The following ST6GALNAC3 variants were observed in gnomAD, a reference collection of about 807,000 sequenced individuals.
ST6GALNAC3 encodes the protein ST6 N-acetylgalactosaminide alpha-2,6-sialyltransferase 3.
Under a neutral mutation model 32.7 loss-of-function variants are expected in ST6GALNAC3, and 25 were observed. The observed-to-expected ratio is 0.76, with a 90% CI of 0.56 to 1.07. The LOEUF is 1.07. ST6GALNAC3 is among the 50% of genes least tolerant of loss of function. The pLI, the probability that ST6GALNAC3 is intolerant of heterozygous loss-of-function variation, is 0.00. For missense variants in ST6GALNAC3, 355 were observed against 382.4 expected, an observed-to-expected ratio of 0.93 and a Z score of 0.60; for synonymous variants, 129 against 133.1, an observed-to-expected ratio of 0.97 and a Z score of 0.21.
chr1:76,433,396 G>A (rs1404552636), intron 3 of ST6GALNAC3, among the ~76,000 whole-genome samples: 4 of 152,062 alleles, frequency 2.6e-5, no homozygotes, highest in Non-Finnish European at 5.9e-5. Flanking sequence ...AGTCCAAAAG[G>A]ATAGTTAACA....
chr1:76,223,722 G>T (rs919934614), intron 1 of ST6GALNAC3, among the ~76,000 whole-genome samples: 1 of 152,052 alleles, frequency 6.6e-6, no homozygotes, highest in Non-Finnish European at 1.5e-5. Flanking sequence ...TATTGCAAGG[G>T]CTTTCTGTCT....
intron 1 of ST6GALNAC3, among the ~76,000 whole-genome samples, chr1:76,156,740 C>A (rs941127687): frequency 1.3e-5 from 2 of 152,156 alleles, no homozygotes; most frequent in African/African-American, 2.4e-5. Context: ...AAAGCCCTGG[C>A]CTTTTTTTTG....
intron 2 of ST6GALNAC3, among the ~76,000 whole-genome samples, chr1:76,360,525 C>G (rs1649845903): frequency 6.6e-6 from 1 of 152,036 alleles, no homozygotes; most frequent in East Asian, 1.9e-4. Context: ...TATTTTCTAC[C>G]CCAACTATGT....
chr1:76,409,090 G>A (rs973036199), intron 2 of ST6GALNAC3, among the ~76,000 whole-genome samples: 2 of 152,110 alleles, frequency 1.3e-5, no homozygotes, highest in African/African-American at 2.4e-5. Flanking sequence ...AAATCAATGC[G>A]TGACCCCAAA....
At chr1:76,148,191 G>T (rs1650810661) in intron 1 of ST6GALNAC3, among the ~76,000 whole-genome samples, 1 of 152,148 alleles carries the variant, frequency 6.6e-6, no homozygotes, top group Non-Finnish European at 1.5e-5. Context: ...TGTTTCCTCA[G>T]TTGAGCCCTT....
At chr1:76,161,096 G>C (rs638593) in intron 1 of ST6GALNAC3, among the ~76,000 whole-genome samples, 21,265 of 152,166 alleles carry the variant, frequency 0.14, 1,738 homozygotes, top group Non-Finnish European at 0.19. Flanking sequence ...GTGACCTCTT[G>C]CTACTCTCCA....
Position 76,509,677 on chromosome 1 carries a change from C to T in ST6GALNAC3, c.623+97260C>T, listed in dbSNP as rs1436243308. 6.6e-6 allele frequency among the ~76,000 whole-genome samples: 1 copy of T among 152,170 alleles called. No individual in the cohort carries two copies. Among genetic ancestry groups the T allele is most frequent in the African/African-American group, 2.4e-5 (1 of 41,460 alleles). On this transcript the variant is annotated intron_variant, in intron 3 of 4. Transcript: ENST00000328299. This position sits in a 1 kb window ranked among gnomAD's most constrained non-coding sequence, Gnocchi z 5.5. ...TAAAATGGGTTGTTAGGGCTGCATT[C>T]CTTCTGGAAGATCCAAGGGAGAATC...
intron 3 of ST6GALNAC3, among the ~76,000 whole-genome samples, chr1:76,446,032 T>A (rs1656944867): frequency 6.6e-6 from 1 of 152,250 alleles, no homozygotes; most frequent in Non-Finnish European, 1.5e-5. Flanking sequence ...AATATAGCTT[T>A]ATCAAATTTT....
chr1:76,373,128 G>A (rs1164117906), intron 2 of ST6GALNAC3, among the ~76,000 whole-genome samples: 1 of 152,010 alleles, frequency 6.6e-6, no homozygotes, highest in Admixed American at 6.6e-5. Flanking sequence ...ATGGTAACAG[G>A]AATGACACCA....
At chr1:76,303,194 T>C (rs1660830512) in intron 1 of ST6GALNAC3, among the ~76,000 whole-genome samples, 2 of 152,028 alleles carry the variant, frequency 1.3e-5, no homozygotes, top group Non-Finnish European at 2.9e-5. Context: ...ATCAGTCTGA[T>C]TGGTTGCAGA....
intron 3 of ST6GALNAC3, among the ~76,000 whole-genome samples, chr1:76,427,361 G>A (rs1043890352): frequency 6.6e-6 from 1 of 151,966 alleles, no homozygotes; most frequent in Non-Finnish European, 1.5e-5. Flanking sequence ...CTTCTGGAGG[G>A]TTCTGCTAGA....
chr1:76,074,948 G>C, intron 1 of ST6GALNAC3, 64 bp downstream of exon 1: 2 of 1,558,558 alleles, frequency 1.3e-6, no homozygotes, highest in Non-Finnish European at 1.7e-6. Flanking sequence ...CAGAGGCACG[G>C]AGTCAGCCGC....
At chr1:76,172,801 G>A (rs967468933) in intron 1 of ST6GALNAC3, among the ~76,000 whole-genome samples, 1 of 152,140 alleles carries the variant, frequency 6.6e-6, no homozygotes, top group African/African-American at 2.4e-5. Flanking sequence ...CCTCTTCAAG[G>A]AGAACTACAA....
At chr1:76,326,829 T>C (rs1647081146) in intron 2 of ST6GALNAC3, among the ~76,000 whole-genome samples, 1 of 148,584 alleles carries the variant, frequency 6.7e-6, no homozygotes, top group East Asian at 2.0e-4. Context: ...GTTTTGGGTT[T>C]TTTTTTTTTT....
chr1:76,231,847 A>C (rs959981275), intron 1 of ST6GALNAC3, among the ~76,000 whole-genome samples: 4 of 152,184 alleles, frequency 2.6e-5, no homozygotes, highest in Non-Finnish European at 5.9e-5. Flanking sequence ...ATTCTTGTGG[A>C]TATTCCCAGA....
At chr1:76,573,619 T>C (rs185296667) in intron 3 of ST6GALNAC3, among the ~76,000 whole-genome samples, 2 of 151,788 alleles carry the variant, frequency 1.3e-5, no homozygotes, top group African/African-American at 4.8e-5. Flanking sequence ...TTCATCCAAT[T>C]TGAATGAACA....
rs147257157 is a variant in ST6GALNAC3 at position 76,244,871 on chromosome 1, C to T, written c.19-68934C>T. 1.3e-5 allele frequency among the ~76,000 whole-genome samples: 2 copies of T among 152,122 alleles called. 1 individual carries two copies. The highest frequency in any genetic ancestry group is 2.9e-5 in the Non-Finnish European group (2 of 67,982). The stretch of plus-strand genomic sequence containing the variant: ...AGTATTTTACTGAGGATTTTCACAT[C>T]GATGTTATTCAGGCATATTGGCCTG... On this transcript the variant is annotated intron_variant, in intron 1 of 4. Coordinates refer to ENST00000328299, the MANE Select transcript of ST6GALNAC3 (RefSeq NM_152996.4).
At chr1:76,397,167 T>C (rs1445165956) in intron 2 of ST6GALNAC3, among the ~76,000 whole-genome samples, 2 of 152,006 alleles carry the variant, frequency 1.3e-5, no homozygotes, top group Admixed American at 6.6e-5. Flanking sequence ...AATATAAATA[T>C]TATATTTAAA....
chr1:76,231,994 G>A (rs889806063), intron 1 of ST6GALNAC3, among the ~76,000 whole-genome samples: 19 of 152,090 alleles, frequency 1.2e-4, no homozygotes, highest in African/African-American at 3.6e-4. Context: ...ACAAGGCTTC[G>A]AGGTAGTTTC....
Sources: allele counts gnomAD v4.1 joint callset (sites outside exome capture counted in the v4.1 genomes callset), GRCh38; gene constraint gnomAD v4.1.1; non-coding constraint Gnocchi (gnomAD v3.1); transcripts MANE v1.5; gene names NCBI Gene and HGNC (gene_info 2026-07-23, HGNC 2026-07-21).